The following RNASEH2B variants were observed in gnomAD, a reference collection of about 807,000 sequenced individuals.
RNASEH2B encodes the protein Aicardi-Goutieres syndrome 2 protein.
A neutral mutation model predicts 45.0 loss-of-function variants in RNASEH2B; 36 were observed. The ratio of observed to expected loss-of-function variants is 0.80; its 90% CI spans 0.61 to 1.06. RNASEH2B has a LOEUF of 1.06. Ranked by LOEUF, RNASEH2B falls within the 50% of genes least tolerant of loss-of-function variation. RNASEH2B has a pLI of 0.00. For missense variants in RNASEH2B, 361 were observed against 360.3 expected, an observed-to-expected ratio of 1.00 and a Z score of -0.02; for synonymous variants, 119 against 125.7, an observed-to-expected ratio of 0.95 and a Z score of 0.35.
intron 9 of RNASEH2B, among the ~76,000 whole-genome samples, chr13:50,966,894 T>C (rs1952170164): frequency 6.6e-6 from 1 of 152,208 alleles, no homozygotes; most frequent in Admixed American, 6.5e-5. Flanking sequence ...TATCTTAATC[T>C]TTAAAAATAT....
chr13:50,942,452 C>T (rs1209325632), intron 5 of RNASEH2B: 1 of 152,082 alleles, frequency 6.6e-6, no homozygotes, highest in African/African-American at 2.4e-5. Flanking sequence ...CAGGCCACTA[C>T]TGAGTAGTTA....
At chr13:50,950,231 G>A (rs1358694752) in intron 9 of RNASEH2B, 1 of 152,266 alleles carries the variant, frequency 6.6e-6, no homozygotes, top group South Asian at 2.1e-4. Flanking sequence ...AGCCAGCAAA[G>A]TAACGGATGC....
At chr13:50,910,444 C>T (rs1027634422) in intron 1 of RNASEH2B, 6 of 285,652 alleles carry the variant, frequency 2.1e-5, no homozygotes, top group Non-Finnish European at 3.9e-5. Context: ...CACCGGTGCG[C>T]TGCGGGCCCC....
At chr13:50,929,336 GT>G (rs1169141197) in intron 2 of RNASEH2B, 138 bp from the exon 3 acceptor site, 5 of 670,878 alleles carry the variant, frequency 7.5e-6, no homozygotes, top group Non-Finnish European at 1.3e-5. Context: ...CTTGGAATCA[GT>G]TTTTTAGAAT....
Position 50,943,350 on chromosome 13 carries a change from T to C in RNASEH2B, c.466T>C (p.Tyr156His). 1 of 1,604,532 alleles carries C rather than the reference T, an allele frequency of 6.2e-7. No homozygotes were observed. Among genetic ancestry groups the C allele is most frequent in the Non-Finnish European group, 8.5e-7 (1 of 1,171,498 alleles). Residue 156 changes from tyrosine to histidine, a missense_variant, in exon 6 of 11, where the codon TAC becomes CAC. Coordinates refer to ENST00000336617, the MANE Select transcript of RNASEH2B (RefSeq NM_024570.4). ...GNPEIDNKKY[Y>H]KYSKEKTLKW... is the part of the protein sequence containing the mutation. ...TCCAGAAATAGACAACAAGAAATAT[T>C]ACAAGTACAGCAAAGAGAAGACATT... is the stretch of plus-strand genomic sequence containing the variant.
chr13:50,961,122 T>G (rs1952107611), downstream of RNASEH2B, among the ~76,000 whole-genome samples: 2 of 152,214 alleles, frequency 1.3e-5, no homozygotes, highest in South Asian at 4.1e-4. Flanking sequence ...AATATCAGTG[T>G]TGTTGACTTT....
At chr13:50,924,334 AAATG>A (rs1951562276) in intron 1 of RNASEH2B, among the ~76,000 whole-genome samples, 1 of 152,246 alleles carries the variant, frequency 6.6e-6, no homozygotes, top group Admixed American at 6.5e-5. Flanking sequence ...GTTTGAAAAT[AAATG>A]AATGGGAAAA....
At chr13:50,947,386 AGTGTGTGTGTGTGTGTGT>A (rs34501133) in intron 7 of RNASEH2B, among the ~76,000 whole-genome samples, 71 of 145,996 alleles carry the variant, frequency 4.9e-4, no homozygotes, top group South Asian at 1.3e-3. Flanking sequence ...TTAGTTTGGG[AGTGTGTGTGTGTGTGTGT>A]GTGTGTGTGT....
Position 50,927,629 on chromosome 13 carries a change from A to G in RNASEH2B, c.136+151A>G, listed in dbSNP as rs571873543. On this transcript the variant is annotated intron_variant, in intron 2 of 10. Transcript: ENST00000336617. ...AAGAAAACAAGGTGATGACATTACT[A>G]GTCTTCCCAGATAATTCATTTGACT... The G allele has an allele frequency of 1.1e-5, 7 of 649,780 alleles. No homozygotes were observed. In the Admixed American group the frequency reaches 1.6e-4, roughly 14 times the overall value. The allele number at this position is 649,780 out of a possible 1,614,324, so 40.3% of individuals were successfully genotyped here. A position where few individuals can be genotyped will look rare whatever the true frequency, so the allele number is the denominator to read the frequency against.
At chr13:50,943,257 G>C in intron 5 of RNASEH2B, 64 bp from the exon 6 acceptor site, 3 of 946,004 alleles carry the variant, frequency 3.2e-6, no homozygotes, top group Non-Finnish European at 5.1e-6. Context: ...ACTTGTATAT[G>C]ATACAACCTT....
At position 50,934,720 on chromosome 13, in the gene RNASEH2B, G is replaced by T. The variant is rs573062064; in HGVS notation, c.322-165G>T. ...CACAGGAGCTTCCTGAAGGGAGCTG[G>T]GGTCCGTCCTAGAGCCTGTCCCATT... On this transcript the variant is annotated intron_variant, in intron 4 of 10. Coordinates refer to ENST00000336617, the MANE Select transcript of RNASEH2B (RefSeq NM_024570.4). 4.6e-6 allele frequency: 3 copies of T among 645,644 alleles called. No individual in the cohort carries two copies. The Admixed American group carries it at 6.8e-5, about 15-fold the overall frequency. 40.0% of individuals were successfully genotyped at this position (645,644 alleles called of 1,614,324 possible). A position where few individuals can be genotyped will look rare whatever the true frequency, so the allele number is the denominator to read the frequency against.
intron 9 of RNASEH2B, among the ~76,000 whole-genome samples, chr13:50,963,257 CG>C (rs1952129821): frequency 6.6e-6 from 1 of 152,098 alleles, no homozygotes; most frequent in Non-Finnish European, 1.5e-5. Context: ...TTCCGCCTCC[CG>C]GGTTCAAGTG....
At chr13:50,966,813 T>C (rs1952169323) in intron 9 of RNASEH2B, among the ~76,000 whole-genome samples, 1 of 152,254 alleles carries the variant, frequency 6.6e-6, no homozygotes, top group Non-Finnish European at 1.5e-5. Flanking sequence ...GAACCTAAAG[T>C]GTACCTGTTT....
chr13:50,966,675 A>T (rs1185892763), intron 9 of RNASEH2B, among the ~76,000 whole-genome samples: 1 of 152,120 alleles, frequency 6.6e-6, no homozygotes, highest in Admixed American at 6.6e-5. Flanking sequence ...GTAAGGCTTA[A>T]ATTGGATGTC....
chr13:50,930,606 A>C, intron 3 of RNASEH2B, 77 bp from the exon 4 acceptor site: 1 of 1,042,170 alleles, frequency 9.6e-7, no homozygotes, highest in Admixed American at 1.7e-5. Context: ...ACTGTTTTTC[A>C]CTTTGAGATT....
chr13:50,919,958 A>G (rs1055050767), intron 1 of RNASEH2B, among the ~76,000 whole-genome samples: 1 of 152,228 alleles, frequency 6.6e-6, no homozygotes, highest in African/African-American at 2.4e-5. Context: ...TTTTCTTTAA[A>G]GTACAGATGT....
intron 1 of RNASEH2B, among the ~76,000 whole-genome samples, chr13:50,923,271 A>C (rs1468055543): frequency 1.3e-5 from 2 of 152,226 alleles, no homozygotes; most frequent in Non-Finnish European, 2.9e-5. Flanking sequence ...TTGAAGAAAT[A>C]ATAGCCAAAT....
chr13:50,965,581 A>G (rs1952157472), intron 9 of RNASEH2B, among the ~76,000 whole-genome samples: 2 of 152,242 alleles, frequency 1.3e-5, no homozygotes. Context: ...GGAGTCCTTG[A>G]CAGCCTTGTG....
At chr13:50,944,903 A>G (rs1390017153) in intron 6 of RNASEH2B, among the ~76,000 whole-genome samples, 2 of 152,254 alleles carry the variant, frequency 1.3e-5, no homozygotes, top group Non-Finnish European at 2.9e-5. Flanking sequence ...AATAGCGAAG[A>G]GGAGTTTATA....
Sources: gnomAD v4.1 joint callset for allele counts (sites outside exome capture counted in the v4.1 genomes callset) on GRCh38, gnomAD v4.1.1 for gene constraint, MANE v1.5 for transcripts, NCBI Gene and HGNC (gene_info 2026-07-23, HGNC 2026-07-21) for gene names.